Variants in TSG101 observed in about 807,000 individuals in gnomAD.
TSG101 encodes the protein tumor susceptibility 101, also known as tumor susceptibility gene 101 protein.
A neutral mutation model predicts 48.5 loss-of-function variants in TSG101; 19 were observed. That is an observed-to-expected ratio of 0.39 (90% CI 0.27 to 0.58). The LOEUF is 0.58. TSG101 is among the 20% of genes least tolerant of loss of function. The pLI is 0.55. For missense variants in TSG101, 365 were observed against 484.4 expected (o/e 0.75, Z 2.31); for synonymous variants, 174 against 169.4 (o/e 1.03, Z -0.21).
intron 6 of TSG101, among the ~76,000 whole-genome samples, chr11:18,505,557 G>C (rs2133921132): frequency 6.6e-6 from 1 of 152,006 alleles, no homozygotes; most frequent in South Asian, 2.1e-4. Flanking sequence ...ACCACCTTTG[G>C]AGAGTACTCC....
chr11:18,518,328 G>A (rs1045399460), intron 2 of TSG101, among the ~76,000 whole-genome samples: 4 of 152,110 alleles, frequency 2.6e-5, no homozygotes, highest in African/African-American at 9.7e-5. Flanking sequence ...TGTTTTCAAA[G>A]CCTTGGAAGC....
At chr11:18,483,064 G>A (rs748779660) in intron 8 of TSG101, among the ~76,000 whole-genome samples, 3 of 152,052 alleles carry the variant, frequency 2.0e-5, no homozygotes, top group Non-Finnish European at 4.4e-5. Flanking sequence ...GGGGAGGGAT[G>A]GCACGCAGGG....
At chr11:18,497,257 C>T (rs1438587735) in intron 7 of TSG101, among the ~76,000 whole-genome samples, 2 of 151,772 alleles carry the variant, frequency 1.3e-5, no homozygotes, top group African/African-American at 4.8e-5. Context: ...TCCTTTAAGT[C>T]TAAAGTTCAA....
chr11:18,499,553 G>C (rs900749420), intron 7 of TSG101, among the ~76,000 whole-genome samples: 2 of 148,238 alleles, frequency 1.3e-5, no homozygotes, highest in African/African-American at 5.0e-5. Flanking sequence ...TAGGATTACA[G>C]GCGTGCGCCA....
In TSG101 at chr11:18,490,176, G is replaced by A. The variant is rs1849678164; in HGVS notation, c.641-6104C>T. 1.2e-5 allele frequency: 3 copies of A among 252,914 alleles called. No individual in the cohort carries two copies. In the South Asian group the frequency reaches 2.0e-4, roughly 16 times the overall value. The allele number at this position is 252,914 out of a possible 1,614,324, so 15.7% of individuals were successfully genotyped here. ...CATACAATTATTTTTTACCACACAA[G>A]GGATATACGTGGAGGGTACAGAGTG... On this transcript the variant is annotated intron_variant, in intron 7 of 9. Transcript: ENST00000251968.
chr11:18,509,516 T>G, intron 5 of TSG101, 26 bp downstream of exon 5: 2 of 1,605,148 alleles, frequency 1.2e-6, no homozygotes, highest in Non-Finnish European at 1.7e-6. Flanking sequence ...ATATGAGTTT[T>G]AAAGTAAAAT....
intron 7 of TSG101, among the ~76,000 whole-genome samples, chr11:18,496,280 AC>A (rs1849775769): frequency 6.6e-6 from 1 of 151,502 alleles, no homozygotes; most frequent in Non-Finnish European, 1.5e-5. Flanking sequence ...TGGCTAACAT[AC>A]AAAATACAAA....
At chr11:18,509,294 C>T (rs966100002) in intron 5 of TSG101, among the ~76,000 whole-genome samples, 3 of 152,308 alleles carry the variant, frequency 2.0e-5, no homozygotes, top group Non-Finnish European at 4.4e-5. Context: ...CTCTATTCTA[C>T]ACTTTCTCCT....
At chr11:18,499,256 A>ATATAAT (rs1849836264) in intron 7 of TSG101, among the ~76,000 whole-genome samples, 1 of 133,190 alleles carries the variant, frequency 7.5e-6, no homozygotes, top group Admixed American at 8.5e-5. Context: ...TTTATATATT[A>ATATAAT]TATATATTTT....
At chr11:18,481,581 C>A in intron 9 of TSG101, 49 bp downstream of exon 9, 1 of 1,583,548 alleles carries the variant, frequency 6.3e-7, no homozygotes, top group South Asian at 1.2e-5. Context: ...AAGGTCAGTG[C>A]CTCTACAACC....
intron 8 of TSG101, among the ~76,000 whole-genome samples, chr11:18,482,676 G>A (rs137915611): frequency 6.6e-6 from 1 of 152,292 alleles, no homozygotes; most frequent in African/African-American, 2.4e-5. Flanking sequence ...AAGAGCTGAA[G>A]GTTGCATATG....
At chr11:18,508,731 G>T (rs1049533758) in intron 5 of TSG101, 3 of 151,890 alleles carry the variant, frequency 2.0e-5, no homozygotes, top group African/African-American at 7.3e-5. Context: ...CCTCAGGAAA[G>T]AATGGATTAA....
intron 7 of TSG101, among the ~76,000 whole-genome samples, chr11:18,488,373 G>GAT (rs915378564): frequency 2.0e-5 from 3 of 152,146 alleles, no homozygotes; most frequent in African/African-American, 7.2e-5. Context: ...TTGTGAGACT[G>GAT]ATAGGCCTAT....
At chr11:18,499,378 T>A (rs1208636571) in intron 7 of TSG101, among the ~76,000 whole-genome samples, 18 of 29,044 alleles carry the variant, frequency 6.2e-4, no homozygotes, top group Admixed American at 2.6e-3. Context: ...ATGTTTATAT[T>A]TAAATATATA....
rs189394988 is a variant in TSG101, at chr11:18,503,030, C to T, written c.549-453G>A. Among the ~76,000 whole-genome samples the T allele has an allele frequency of 5.3e-5, 8 of 152,228 alleles. No homozygotes were observed. The East Asian group carries it at 1.5e-3, about 29-fold the overall frequency. On this transcript the variant is annotated intron_variant, in intron 6 of 9. Coordinates refer to ENST00000251968, the MANE Select transcript of TSG101 (RefSeq NM_006292.4). ...GTTTTTTTCCTCTTTTGATAACATT[C>T]GTACCAAACTCATCTTTAGTTTAAA...
intron 7 of TSG101, among the ~76,000 whole-genome samples, chr11:18,496,507 T>TC (rs1849786074): frequency 1.5e-5 from 2 of 129,172 alleles, no homozygotes; most frequent in Non-Finnish European, 3.4e-5. Context: ...TAAAATAAAA[T>TC]AAATCTACAG....
chr11:18,525,592 A>T (rs1206134243), intron 1 of TSG101: 1 of 642,796 alleles, frequency 1.6e-6, no homozygotes, highest in Non-Finnish European at 1.9e-6. Flanking sequence ...CTTCAGTTAC[A>T]TACTATGTAA....
rs928247570 is a variant in TSG101, at chr11:18,526,796, C to G, written c.21G>C (p.Gln7His). 1.2e-6 allele frequency: 2 copies of G among 1,603,278 alleles called. No individual in the cohort carries two copies. The highest frequency in any genetic ancestry group is 1.7e-6 in the Non-Finnish European group (2 of 1,179,700). MAVSES[Q>H]LKKMVSKYKY... Reference sequence around the variant, plus strand: ...TCACCTTGGACACCATTTTCTTGAGCTGGCTCTCCGACACCGCCATGACGG... The same window carrying G: ...TCACCTTGGACACCATTTTCTTGAGGTGGCTCTCCGACACCGCCATGACGG... The change falls in exon 1 of 10, where the codon CAG becomes CAC. Residue 7 changes from glutamine (Q) to histidine (H), a missense_variant. Gln to His is a conservative substitution (Grantham distance 24). Transcript: ENST00000251968.
At chr11:18,514,618 G>T in intron 4 of TSG101, 60 bp downstream of exon 4, 1 of 1,405,276 alleles carries the variant, frequency 7.1e-7, no homozygotes, top group Non-Finnish European at 9.4e-7. Context: ...AAAGAAAGCA[G>T]ATGCTAGTGA....
Sources: gnomAD v4.1 joint callset for allele counts (sites outside exome capture counted in the v4.1 genomes callset) on GRCh38, gnomAD v4.1.1 for gene constraint, MANE v1.5 for transcripts, NCBI Gene and HGNC (gene_info 2026-07-23, HGNC 2026-07-21) for gene names.